Variants in NBAS observed in about 807,000 individuals in gnomAD.
NBAS encodes the protein NBAS subunit of NRZ tethering complex.
A neutral mutation model predicts 302.5 loss-of-function variants in NBAS; 219 were observed. The observed-to-expected ratio is 0.72, with a 90% CI of 0.65 to 0.81. The LOEUF is 0.81. Among genes scored for constraint, NBAS ranks in the 30% least tolerant of loss-of-function variants. NBAS has a pLI of 0.00. For synonymous variants in NBAS, 1,118 were observed against 1,021.6 expected, an observed-to-expected ratio of 1.09 and a Z score of -1.80; for missense variants, 2,932 against 2,841.6, an observed-to-expected ratio of 1.03 and a Z score of -0.72.
chr2:15,207,704 G>A, intron 48 of NBAS, among the ~76,000 whole-genome samples: 1 of 152,138 alleles, frequency 6.6e-6, no homozygotes, highest in East Asian at 1.9e-4. Context: ...AGTGTCTGGT[G>A]CTTCCCCCCT....
the NBAS span, among the ~76,000 whole-genome samples, chr2:14,797,651 T>C: frequency 8.9e-6 from 1 of 112,564 alleles, no homozygotes; most frequent in South Asian, 2.5e-4. Context: ...GGCTGTGCAC[T>C]GTGGCCCGGC....
At chr2:14,996,796 G>A in the NBAS span, among the ~76,000 whole-genome samples, 1 of 152,060 alleles carries the variant, frequency 6.6e-6, no homozygotes, top group African/African-American at 2.4e-5. Context: ...ATGCTTCAAG[G>A]ACTCAGAAGG....
chr2:15,337,285 A>C (rs1179973288), intron 35 of NBAS, among the ~76,000 whole-genome samples: 1 of 152,060 alleles, frequency 6.6e-6, no homozygotes, highest in African/African-American at 2.4e-5. Context: ...CGTGCACTCC[A>C]GCCTGGAGGA....
At chr2:15,172,443 C>T (rs1015015255) in intron 51 of NBAS, among the ~76,000 whole-genome samples, 6 of 151,980 alleles carry the variant, frequency 3.9e-5, no homozygotes, top group Admixed American at 6.6e-5. Context: ...AGTTCTGTTT[C>T]GGTTGTTTTT....
chr2:15,553,273 C>G (rs1329348807), intron 5 of NBAS, among the ~76,000 whole-genome samples, 153 bp downstream of exon 5: 1 of 152,156 alleles, frequency 6.6e-6, no homozygotes, highest in Non-Finnish European at 1.5e-5. Context: ...AATTTTTTAA[C>G]TGGCGTAAGT....
chr2:15,357,457 A>G (rs1329547216), intron 32 of NBAS, among the ~76,000 whole-genome samples: 1 of 152,098 alleles, frequency 6.6e-6, no homozygotes, highest in Non-Finnish European at 1.5e-5. Context: ...AACAAGCCCA[A>G]TTTCTCTCTC....
intron 38 of NBAS, among the ~76,000 whole-genome samples, chr2:15,318,881 G>A (rs918392227): frequency 1.3e-5 from 2 of 152,130 alleles, no homozygotes; most frequent in Admixed American, 1.3e-4. Flanking sequence ...CTTGAAATCA[G>A]CTCTGGACCA....
the NBAS span, among the ~76,000 whole-genome samples, chr2:14,811,349 G>A: frequency 6.6e-6 from 1 of 152,138 alleles, no homozygotes; most frequent in Non-Finnish European, 1.5e-5. Context: ...GTTCAAGGCT[G>A]CAGTAAGCTA....
chr2:15,519,476 AC>A (rs1258970577), intron 9 of NBAS, among the ~76,000 whole-genome samples: 7 of 92,912 alleles, frequency 7.5e-5, no homozygotes, highest in African/African-American at 1.9e-4. Context: ...TCACTCTGTC[AC>A]CCAAGCTGGA....
At chr2:15,343,189 CT>C (rs1672937270) in intron 35 of NBAS, among the ~76,000 whole-genome samples, 1 of 152,082 alleles carries the variant, frequency 6.6e-6, no homozygotes, top group Non-Finnish European at 1.5e-5. Flanking sequence ...ATGAACAAGG[CT>C]GAAAGGAACT....
chr2:15,277,285 C>A (rs901918358), intron 42 of NBAS, among the ~76,000 whole-genome samples, 184 bp from the exon 43 acceptor site: 1 of 152,164 alleles, frequency 6.6e-6, no homozygotes, highest in Non-Finnish European at 1.5e-5. Context: ...TAGATGCCTA[C>A]TAACATTTAA....
At chr2:15,424,282 C>A in intron 23 of NBAS, 33 bp downstream of exon 23, 2 of 1,613,226 alleles carry the variant, frequency 1.2e-6, no homozygotes, top group Non-Finnish European at 1.7e-6. Flanking sequence ...GTTCCACTAA[C>A]ATTACTGAGC....
intron 23 of NBAS, among the ~76,000 whole-genome samples, chr2:15,420,864 T>C (rs967663051): frequency 4.0e-5 from 6 of 151,680 alleles, no homozygotes; most frequent in Admixed American, 3.3e-4. Flanking sequence ...CAAGAAAAAA[T>C]GCCACGCAAT....
intron 11 of NBAS, among the ~76,000 whole-genome samples, chr2:15,496,398 T>G (rs1228871187): frequency 6.6e-6 from 1 of 152,196 alleles, no homozygotes; most frequent in Non-Finnish European, 1.5e-5. Context: ...TAAAATTGAT[T>G]CTTGAAATCA....
chr2:14,828,223 A>T, the NBAS span, among the ~76,000 whole-genome samples: 2 of 152,212 alleles, frequency 1.3e-5, no homozygotes, highest in African/African-American at 4.8e-5. Flanking sequence ...AGACAATTTT[A>T]GAATGTGATG....
chr2:15,457,685 C>T (rs1380862550), intron 21 of NBAS, among the ~76,000 whole-genome samples: 2 of 152,124 alleles, frequency 1.3e-5, no homozygotes, highest in Non-Finnish European at 2.9e-5. Flanking sequence ...ACCAATGGTG[C>T]GTGGAAAGTG....
the NBAS span, among the ~76,000 whole-genome samples, chr2:14,854,470 A>G: frequency 6.6e-6 from 1 of 152,018 alleles, no homozygotes. Flanking sequence ...CAAGAACCAA[A>G]TATCAGGTGA....
intron 47 of NBAS, among the ~76,000 whole-genome samples, chr2:15,222,771 A>G (rs549012293): frequency 6.6e-6 from 1 of 152,334 alleles, no homozygotes; most frequent in African/African-American, 2.4e-5. Context: ...ATTACTATGC[A>G]ATGCTACTGA....
chr2:15,340,451 G>C (rs1167713790), intron 35 of NBAS, among the ~76,000 whole-genome samples: 1 of 152,192 alleles, frequency 6.6e-6, no homozygotes, highest in African/African-American at 2.4e-5. Context: ...GATGTGGTAG[G>C]TGGGGAGAGG....
Sources: allele counts gnomAD v4.1 joint callset (sites outside exome capture counted in the v4.1 genomes callset), GRCh38; gene constraint gnomAD v4.1.1; transcripts MANE v1.5; gene names NCBI Gene and HGNC (gene_info 2026-07-23, HGNC 2026-07-21).